Variants in TMEM131 observed in about 807,000 individuals in gnomAD.
TMEM131 encodes the protein 2610524E03Rik.
Under a neutral mutation model 211.6 loss-of-function variants are expected in TMEM131, and 66 were observed. That is an observed-to-expected ratio of 0.31 (90% CI 0.26 to 0.38). TMEM131 has a LOEUF of 0.38. Among genes scored for constraint, TMEM131 ranks in the 10% least tolerant of loss-of-function variants. TMEM131 has a pLI of 1.00. For synonymous variants in TMEM131, 844 were observed against 841.3 expected, an observed-to-expected ratio of 1.00 and a Z score of -0.06; for missense variants, 2,036 against 2,299.3, an observed-to-expected ratio of 0.89 and a Z score of 2.34.
In TMEM131 at chr2:97,943,037, AAAAGAAAGAAAGAAAGAAAGAAAG is replaced by A. The variant is rs71394401; in HGVS notation, c.188-15574_188-15551del. 5.5e-3 allele frequency among the ~76,000 whole-genome samples: 365 copies of A among 66,002 alleles called. 10 individuals are homozygous for A. Among genetic ancestry groups the A allele is most frequent in the Admixed American group, 0.046 (346 of 7,498 alleles). The allele number at this position is 66,002 out of a possible 152,430, so 43.3% of individuals were successfully genotyped here. On this transcript the variant is annotated intron_variant, in intron 1 of 40. Transcript: ENST00000186436. ...AAAAGAAAAGAAAAGAAAAGAAAAG[AAAAGAAAGAAAGAAAGAAAGAAAG>A]AAAGAAAGAAAGAAAGAAAGAAAGA...
intron 2 of TMEM131, 64 bp downstream of exon 2, chr2:97,927,362 G>GA: frequency 7.9e-7 from 1 of 1,264,868 alleles, no homozygotes; most frequent in South Asian, 1.6e-5. Context: ...ATTTTTAAAA[G>GA]AAAAATAATA....
chr2:97,837,185 C>T (rs112115436), intron 7 of TMEM131, 28 bp from the exon 8 acceptor site: 75 of 1,528,096 alleles, frequency 4.9e-5, no homozygotes, highest in African/African-American at 2.5e-4. Flanking sequence ...ATGATGGCTA[C>T]GTTCAAAGTC....
At chr2:97,817,578 A>C (rs1350058433) in intron 12 of TMEM131, among the ~76,000 whole-genome samples, 1 of 152,204 alleles carries the variant, frequency 6.6e-6, no homozygotes, top group East Asian at 1.9e-4. Flanking sequence ...GTCTTCTATA[A>C]TACTATTTCT....
intron 31 of TMEM131, among the ~76,000 whole-genome samples, chr2:97,778,010 A>G (rs893111734): frequency 1.3e-5 from 2 of 152,206 alleles, no homozygotes; most frequent in Admixed American, 6.5e-5. Context: ...GAATACTTCA[A>G]AATTTCCCAT....
intron 37 of TMEM131, 48 bp downstream of exon 37, chr2:97,760,745 C>T: frequency 1.2e-6 from 2 of 1,613,930 alleles, no homozygotes; most frequent in Non-Finnish European, 1.7e-6. Flanking sequence ...GGTCATTCCA[C>T]CAGGCCTGGC....
intron 11 of TMEM131, among the ~76,000 whole-genome samples, chr2:97,826,773 C>T (rs772289970): frequency 6.6e-6 from 1 of 152,090 alleles, no homozygotes; most frequent in Non-Finnish European, 1.5e-5. Flanking sequence ...AAATTTAAAA[C>T]CTATAATTGA....
At chr2:97,993,825 G>T (rs55861914) in intron 1 of TMEM131, among the ~76,000 whole-genome samples, 5,317 of 152,228 alleles carry the variant, frequency 0.035, 298 homozygotes, top group African/African-American at 0.11. Flanking sequence ...CAAACAAAAG[G>T]TTTGTTTACT....
At chr2:97,948,153 GA>G (rs1678131676) in intron 1 of TMEM131, among the ~76,000 whole-genome samples, 2 of 151,012 alleles carry the variant, frequency 1.3e-5, no homozygotes, top group Non-Finnish European at 3.0e-5. Flanking sequence ...ATACAAAAAA[GA>G]AAAAAATCTT....
In TMEM131 at chr2:97,792,944, A is replaced by G. The variant is rs1680574829; in HGVS notation, c.3586T>C (p.Phe1196Leu). 6.2e-7 allele frequency: 1 copy of G among 1,607,390 alleles called. No individual in the cohort carries two copies. The highest frequency in any genetic ancestry group is 8.5e-7 in the Non-Finnish European group (1 of 1,177,886). The change falls in exon 31 of 41, where the codon TTC becomes CTC. Residue 1196 changes from phenylalanine (F) to leucine (L), a missense_variant. By Grantham distance (22) the Phe-to-Leu change is conservative. Transcript: ENST00000186436. The stretch of plus-strand genomic sequence containing the variant: ...GATGATGAACCGCCTGCTCCACAGA[A>G]CCCCCTACTGTGACCGGGGTCACAG... ...LSCDPGHSRG[F>L]CGAGGSSSRP... is the part of the protein sequence containing the mutation.
intron 2 of TMEM131, among the ~76,000 whole-genome samples, chr2:97,918,595 TA>T (rs1468242464): frequency 6.6e-6 from 1 of 151,848 alleles, no homozygotes; most frequent in Non-Finnish European, 1.5e-5. Flanking sequence ...CCAATTTCAT[TA>T]ACAACAACAA....
intron 33 of TMEM131, among the ~76,000 whole-genome samples, chr2:97,770,570 T>A (rs1679420647): frequency 6.6e-6 from 1 of 152,230 alleles, no homozygotes; most frequent in African/African-American, 2.4e-5. Flanking sequence ...GCAAAGGTAA[T>A]GACACTCAAG....
chr2:97,805,900 G>T (rs543596770), intron 19 of TMEM131, among the ~76,000 whole-genome samples, 197 bp from the exon 20 acceptor site: 1 of 152,156 alleles, frequency 6.6e-6, no homozygotes, highest in Non-Finnish European at 1.5e-5. Flanking sequence ...TCTTGCTGTG[G>T]CATGTTACAG....
At chr2:97,812,137 A>C (rs975105785) in intron 17 of TMEM131, among the ~76,000 whole-genome samples, 1 of 152,230 alleles carries the variant, frequency 6.6e-6, no homozygotes, top group African/African-American at 2.4e-5. Flanking sequence ...ACCCATGGGA[A>C]TCTCTCCTGT....
At chr2:97,816,811 A>G (rs749690538) in intron 12 of TMEM131, among the ~76,000 whole-genome samples, 2 of 152,214 alleles carry the variant, frequency 1.3e-5, no homozygotes, top group African/African-American at 2.4e-5. Context: ...ATCATGAAGA[A>G]TAACTTTTGA....
At chr2:97,769,319 A>G (rs1016621669) in intron 33 of TMEM131, among the ~76,000 whole-genome samples, 7 of 152,040 alleles carry the variant, frequency 4.6e-5, no homozygotes, top group Admixed American at 2.0e-4. Context: ...CCATTTTTTA[A>G]TAATAATGTT....
At chr2:97,903,091 C>T (rs1573535254) in intron 3 of TMEM131, among the ~76,000 whole-genome samples, 2 of 152,150 alleles carry the variant, frequency 1.3e-5, no homozygotes, top group East Asian at 1.9e-4. Flanking sequence ...ACACATGGCA[C>T]ATAAAGATTA....
At chr2:97,759,945 G>A (rs1678732770) in intron 38 of TMEM131, 196 bp from the exon 39 acceptor site, 6 of 564,688 alleles carry the variant, frequency 1.1e-5, no homozygotes, top group Non-Finnish European at 1.9e-5. Context: ...CCAGAGCTCC[G>A]GATGCCCTAT....
At chr2:97,794,486 T>C (rs1352405430) in intron 29 of TMEM131, among the ~76,000 whole-genome samples, 1 of 152,220 alleles carries the variant, frequency 6.6e-6, no homozygotes, top group Non-Finnish European at 1.5e-5. Context: ...CTCTAAAGGA[T>C]GTGTGATATA....
rs561189118 is a variant in TMEM131 at position 97,948,697 on chromosome 2, G to A, written c.188-21210C>T. Among the ~76,000 whole-genome samples, 19 of 151,844 alleles carry A rather than the reference G, an allele frequency of 1.3e-4. No individual in the cohort carries two copies. In the East Asian group the frequency reaches 1.7e-3, roughly 14 times the overall value. The stretch of plus-strand genomic sequence containing the variant: ...TTTTGAGACGGAGCCTCGCGCTGTC[G>A]CCCAGGCTGGAGTGCAGTGGTGTGA... On this transcript the variant is annotated intron_variant, in intron 1 of 40. Transcript: ENST00000186436.
Sources: gnomAD v4.1 joint callset for allele counts (sites outside exome capture counted in the v4.1 genomes callset) on GRCh38, gnomAD v4.1.1 for gene constraint, MANE v1.5 for transcripts, NCBI Gene and HGNC (gene_info 2026-07-23, HGNC 2026-07-21) for gene names.